Variants in WWOX observed in about 807,000 individuals in gnomAD.
The protein encoded by WWOX is WW domain-containing oxidoreductase.
A neutral mutation model predicts 46.2 loss-of-function variants in WWOX; 69 were observed. The ratio of observed to expected loss-of-function variants is 1.49; its 90% confidence interval spans 1.23 to 1.82. The LOEUF is 1.82. WWOX is among the 40% of genes most tolerant of loss of function. The pLI is 0.00. For synonymous variants in WWOX, 359 were observed against 202.6 expected (o/e 1.77, Z -6.56); for missense variants, 919 against 542.6 (o/e 1.69, Z -6.89).
At chr16:78,428,443 T>C (rs7186603) in intron 7 of WWOX, among the ~76,000 whole-genome samples, 18,657 of 152,158 alleles carry the variant, frequency 0.12, 1,411 homozygotes, top group East Asian at 0.21. Context: ...CAGGAGACAG[T>C]GAGGAAGGAA....
intron 8 of WWOX, among the ~76,000 whole-genome samples, chr16:78,544,143 C>G (rs1032833115): frequency 6.6e-6 from 1 of 152,128 alleles, no homozygotes; most frequent in East Asian, 1.9e-4. Context: ...CAAGATCTAG[C>G]ATAATCTCTT....
intron 8 of WWOX, among the ~76,000 whole-genome samples, chr16:78,603,235 G>A (rs1239412554): frequency 1.3e-5 from 2 of 152,168 alleles, no homozygotes; most frequent in African/African-American, 4.8e-5. Context: ...GCACAGATAA[G>A]GCATTGGATG....
At chr16:78,214,764 G>A in intron 5 of WWOX, among the ~76,000 whole-genome samples, 1 of 150,130 alleles carries the variant, frequency 6.7e-6, no homozygotes, top group East Asian at 2.0e-4. Flanking sequence ...GTCTTTATTT[G>A]TTTCTTAATG....
chr16:78,610,867 C>G (rs573807660), intron 8 of WWOX, among the ~76,000 whole-genome samples: 1 of 152,036 alleles, frequency 6.6e-6, no homozygotes, highest in African/African-American at 2.4e-5. Flanking sequence ...TTAAGTAGAA[C>G]AACGTATTCT....
rs146112421 is a variant in WWOX, at chr16:78,668,006, C to T, written c.1056+235254C>T. Among the ~76,000 whole-genome samples the T allele has an allele frequency of 2.0e-3, 311 of 151,890 alleles. 3 individuals carry two copies. The highest frequency in any genetic ancestry group is 7.0e-3 in the African/African-American group (291 of 41,394). Reference sequence around the variant, plus strand: ...CAAAACCATACAACTTGGCTGGGTGCGGTGGCTCACACCTGTAATCTTAGC... The same window carrying T: ...CAAAACCATACAACTTGGCTGGGTGTGGTGGCTCACACCTGTAATCTTAGC... On this transcript the variant is annotated intron_variant, in intron 8 of 8. Transcript: ENST00000566780.
At chr16:78,621,749 C>A (rs1383275332) in intron 8 of WWOX, among the ~76,000 whole-genome samples, 1 of 151,338 alleles carries the variant, frequency 6.6e-6, no homozygotes, top group Non-Finnish European at 1.5e-5. Context: ...GGACTACAGG[C>A]ACTCACCACC....
chr16:78,586,993 A>G (rs978530115), intron 8 of WWOX, among the ~76,000 whole-genome samples: 6 of 152,132 alleles, frequency 3.9e-5, no homozygotes, highest in African/African-American at 1.4e-4. Context: ...CTACTAATTC[A>G]TGAGGCAATC....
At chr16:78,573,175 G>A (rs767647362) in intron 8 of WWOX, among the ~76,000 whole-genome samples, 3 of 152,056 alleles carry the variant, frequency 2.0e-5, no homozygotes, top group Non-Finnish European at 2.9e-5. Flanking sequence ...AGTCCCAGCT[G>A]CTCAGGAGGC....
intron 5 of WWOX, among the ~76,000 whole-genome samples, chr16:78,176,716 T>G (rs934718771): frequency 1.6e-4 from 24 of 152,206 alleles, no homozygotes; most frequent in African/African-American, 5.3e-4. Context: ...ATTACTGAAC[T>G]TTAATTACTT....
At chr16:78,671,347 C>G (rs115728466) in intron 8 of WWOX, among the ~76,000 whole-genome samples, 1,581 of 152,280 alleles carry the variant, frequency 0.01, 23 homozygotes, top group African/African-American at 0.032. Flanking sequence ...ATCATTTGAG[C>G]CTGGGAGGTG....
chr16:78,109,764 T>G lies in WWOX; in HGVS notation c.173-14T>G, dbSNP rs779470222. 10 of 1,614,190 alleles carry G rather than the reference T, an allele frequency of 6.2e-6. No individual in the cohort carries two copies. The highest frequency in any genetic ancestry group is 1.7e-5 in the Admixed American group (1 of 60,028). ...CTCCCTGGCACCTGTAGACCTGTCTTTCTTGTGTTTCAGATTTGCCATACG... is the reference window on the plus strand; with the variant it reads ...CTCCCTGGCACCTGTAGACCTGTCTGTCTTGTGTTTCAGATTTGCCATACG... On this transcript the variant is annotated splice_polypyrimidine_tract_variant and intron_variant, in intron 2 of 8. Transcript: ENST00000566780.
intron 6 of WWOX, among the ~76,000 whole-genome samples, chr16:78,416,564 C>T (rs1291221540): frequency 1.3e-5 from 2 of 152,162 alleles, no homozygotes; most frequent in African/African-American, 4.8e-5. Flanking sequence ...GCCTCCAGGC[C>T]TGTCTTTGGT....
chr16:78,943,503 C>G (rs1184580553), intron 8 of WWOX, among the ~76,000 whole-genome samples: 1 of 152,176 alleles, frequency 6.6e-6, no homozygotes, highest in African/African-American at 2.4e-5. Context: ...ATCAGATCTT[C>G]CAAGCCATGG....
rs954192349 is a variant in WWOX, at chr16:78,342,443, G to C, written c.517-44417G>C. 1.7e-5 allele frequency among the ~76,000 whole-genome samples: 2 copies of C among 120,882 alleles called. 1 individual carries two copies. The highest frequency in any genetic ancestry group is 4.0e-5 in the Non-Finnish European group (2 of 50,588). The allele number at this position is 120,882 out of a possible 152,430, so 79.3% of individuals were successfully genotyped here. A position where few individuals can be genotyped will look rare whatever the true frequency, so the allele number is the denominator to read the frequency against. On this transcript the variant is annotated intron_variant, in intron 5 of 8. Coordinates refer to ENST00000566780, the MANE Select transcript of WWOX (RefSeq NM_016373.4). ...GTCAAGGACTCTGTAACAGGATGAAGCAGCATTTTTTATGGGCAGGTTTGC... is the reference window on the plus strand; with the variant it reads ...GTCAAGGACTCTGTAACAGGATGAACCAGCATTTTTTATGGGCAGGTTTGC...
At chr16:78,942,680 A>G (rs1411855537) in intron 8 of WWOX, among the ~76,000 whole-genome samples, 2 of 152,118 alleles carry the variant, frequency 1.3e-5, no homozygotes, top group Non-Finnish European at 2.9e-5. Flanking sequence ...AATGAGCACT[A>G]ATGAGGACCT....
chr16:78,441,151 C>G (rs975229056), intron 8 of WWOX, among the ~76,000 whole-genome samples: 6 of 151,912 alleles, frequency 3.9e-5, no homozygotes, highest in African/African-American at 1.4e-4. Context: ...ACATGTTGGC[C>G]AAGCTCGTCT....
intron 8 of WWOX, among the ~76,000 whole-genome samples, chr16:78,672,367 G>A (rs1232504331): frequency 6.6e-6 from 1 of 152,154 alleles, no homozygotes; most frequent in Non-Finnish European, 1.5e-5. Flanking sequence ...AGCCAAGTGC[G>A]ATGATCAGAA....
chr16:79,123,241 C>T (rs922842984), intron 8 of WWOX, among the ~76,000 whole-genome samples: 2 of 152,016 alleles, frequency 1.3e-5, no homozygotes, highest in Non-Finnish European at 2.9e-5. Flanking sequence ...AATTGCCTGA[C>T]TCTGTCCTCG....
At chr16:78,588,135 G>T (rs1030085609) in intron 8 of WWOX, among the ~76,000 whole-genome samples, 1 of 151,882 alleles carries the variant, frequency 6.6e-6, no homozygotes, top group East Asian at 1.9e-4. Flanking sequence ...CAGAGAGGGG[G>T]TTAGTATTGG....
Sources: gnomAD v4.1 joint callset for allele counts (sites outside exome capture counted in the v4.1 genomes callset) on GRCh38, gnomAD v4.1.1 for gene constraint, MANE v1.5 for transcripts, NCBI Gene and HGNC (gene_info 2026-07-23, HGNC 2026-07-21) for gene names.